Variants in BTBD10 observed in about 807,000 individuals in gnomAD.
BTBD10 encodes BTB domain containing 10, also known as BTB/POZ domain-containing protein 10.
Under a neutral mutation model 53.2 loss-of-function variants are expected in BTBD10, and 21 were observed. The observed-to-expected ratio is 0.39, with a 90% confidence interval of 0.28 to 0.57. The LOEUF is 0.57. Among genes scored for constraint, BTBD10 ranks in the 20% least tolerant of loss-of-function variants. The probability of loss-of-function intolerance (pLI) is 0.53; values close to 1 mark genes in which losing one functional copy is unlikely to be tolerated. For synonymous variants in BTBD10, 149 were observed against 192.7 expected, an observed-to-expected ratio of 0.77 and a Z score of 1.88; for missense variants, 360 against 594.7, an observed-to-expected ratio of 0.61 and a Z score of 4.10.
intron 2 of BTBD10, among the ~76,000 whole-genome samples, chr11:13,438,103 G>A (rs933340269): frequency 6.6e-6 from 1 of 151,892 alleles, no homozygotes; most frequent in African/African-American, 2.4e-5. Flanking sequence ...CCCTCTCATT[G>A]TCATGCATTA....
chr11:13,409,329 A>G (rs1949892925), intron 6 of BTBD10, among the ~76,000 whole-genome samples: 1 of 152,154 alleles, frequency 6.6e-6, no homozygotes, highest in Non-Finnish European at 1.5e-5. Flanking sequence ...AACATAGCAT[A>G]TATGATTTAT....
At chr11:13,396,489 G>C (rs1447484518) in intron 8 of BTBD10, among the ~76,000 whole-genome samples, 3 of 152,164 alleles carry the variant, frequency 2.0e-5, no homozygotes, top group African/African-American at 7.2e-5. Flanking sequence ...TCTGCAAACA[G>C]GGACAATTTG....
intron 4 of BTBD10, among the ~76,000 whole-genome samples, chr11:13,418,267 A>C (rs1950163898): frequency 6.6e-6 from 1 of 152,116 alleles, no homozygotes; most frequent in South Asian, 2.1e-4. Flanking sequence ...AATCGGCATA[A>C]AAAGAAGGCT....
chr11:13,459,811 C>A (rs1951054514), intron 1 of BTBD10: 1 of 152,132 alleles, frequency 6.6e-6, no homozygotes, highest in Admixed American at 6.5e-5. Flanking sequence ...AGGCACTGAA[C>A]AAAAGTATAC....
At chr11:13,418,000 T>TA (rs1467521895) in intron 4 of BTBD10, among the ~76,000 whole-genome samples, 1 of 152,126 alleles carries the variant, frequency 6.6e-6, no homozygotes, top group Non-Finnish European at 1.5e-5. Flanking sequence ...TCCTAAACAA[T>TA]AAAAAATGTA....
intron 2 of BTBD10, chr11:13,439,808 C>T: frequency 1.7e-6 from 2 of 1,203,064 alleles, no homozygotes; most frequent in Non-Finnish European, 1.1e-6. Context: ...ACACATATCC[C>T]TCTCAATCTT....
Position 13,398,817 on chromosome 11 carries a change from G to T in BTBD10, c.1117+4351C>A, listed in dbSNP as rs540301905. ...TCACTTATGAAGCTTAGTTTGGCTG[G>T]ATATGAAATTCTGGGTTGAAAATTC... On this transcript the variant is annotated intron_variant, in intron 8 of 8. Transcript: ENST00000278174. Among the ~76,000 whole-genome samples, 344 of 152,214 alleles carry T rather than the reference G, an allele frequency of 2.3e-3. 1 individual carries two copies. Among genetic ancestry groups the T allele is most frequent in the African/African-American group, 7.9e-3 (329 of 41,526 alleles).
rs186471048 is a variant in BTBD10, at chr11:13,440,238, G to T, written c.101+4786C>A. 1.8e-3 allele frequency: 2,358 copies of T among 1,291,348 alleles called. 16 individuals carry two copies. The highest frequency in any genetic ancestry group is 2.6e-3 in the Admixed American group (87 of 34,038). 80.0% of individuals were successfully genotyped at this position (1,291,348 alleles called of 1,614,324 possible). On this transcript the variant is annotated intron_variant, in intron 2 of 8. Coordinates refer to ENST00000278174, the MANE Select transcript of BTBD10 (RefSeq NM_032320.7). ...TTCTCACAGACACTGACTCAGCCGTGGGTTGTGCAGCACTGACGTTTCTAA... is the reference window on the plus strand; with the variant it reads ...TTCTCACAGACACTGACTCAGCCGTTGGTTGTGCAGCACTGACGTTTCTAA...
intron 2 of BTBD10, among the ~76,000 whole-genome samples, chr11:13,432,188 G>C (rs1300384744): frequency 1.3e-5 from 2 of 152,090 alleles, no homozygotes; most frequent in Non-Finnish European, 2.9e-5. Context: ...CAAATTAGGG[G>C]TTGCCAGAGG....
intron 2 of BTBD10, among the ~76,000 whole-genome samples, chr11:13,428,844 T>G (rs574386999): frequency 6.6e-6 from 1 of 152,154 alleles, no homozygotes; most frequent in Non-Finnish European, 1.5e-5. Flanking sequence ...CTGTCTTTAT[T>G]TGCAGAAAAC....
Position 13,405,786 on chromosome 11 carries a change from GATC to G in BTBD10, c.876_878del (p.Met292del). The G allele has an allele frequency of 1.9e-6, 3 of 1,613,690 alleles. No individual in the cohort carries two copies. The highest frequency in any genetic ancestry group is 2.5e-6 in the Non-Finnish European group (3 of 1,179,726). On this transcript the variant is annotated inframe_deletion, in exon 7 of 9. Transcript: ENST00000278174. ...GGGCACTAGCTACCATGAGAGGGAG[GATC>G]ATTTCTTCCAGATAAAATTCAAATT...
intron 1 of BTBD10, among the ~76,000 whole-genome samples, chr11:13,447,140 CTCTTTATCTCTCCTCTTCTTTT>C (rs1353995865): frequency 6.6e-6 from 1 of 151,846 alleles, no homozygotes; most frequent in Non-Finnish European, 1.5e-5. Context: ...TTTCTTCTTT[CTCTTTATCTCTCCTCTTCTTTT>C]TCTTTTTCTT....
chr11:13,459,065 T>A (rs1474125929), intron 1 of BTBD10, among the ~76,000 whole-genome samples: 4 of 149,316 alleles, frequency 2.7e-5, no homozygotes, highest in African/African-American at 9.8e-5. Context: ...TTTATTTTTT[T>A]TTTTTTTTTG....
At chr11:13,441,176 A>G (rs1950641176) in intron 2 of BTBD10, among the ~76,000 whole-genome samples, 1 of 152,182 alleles carries the variant, frequency 6.6e-6, no homozygotes, top group African/African-American at 2.4e-5. Flanking sequence ...ACCTGCTGAG[A>G]GATCATAGGC....
intron 2 of BTBD10, among the ~76,000 whole-genome samples, chr11:13,432,796 AC>A (rs1950475044): frequency 6.6e-6 from 1 of 152,104 alleles, no homozygotes; most frequent in African/African-American, 2.4e-5. Flanking sequence ...CCTTAAAAGA[AC>A]AAAAATGCAA....
At chr11:13,409,717 T>C (rs1423160373) in intron 6 of BTBD10, among the ~76,000 whole-genome samples, 3 of 152,198 alleles carry the variant, frequency 2.0e-5, no homozygotes, top group South Asian at 4.1e-4. Context: ...CACAGACCCT[T>C]TGTCATACAC....
At chr11:13,401,755 C>A (rs1013313509) in intron 8 of BTBD10, among the ~76,000 whole-genome samples, 2 of 152,132 alleles carry the variant, frequency 1.3e-5, no homozygotes, top group Non-Finnish European at 2.9e-5. Context: ...GAGGGACTTA[C>A]CTTAAGACAC....
chr11:13,461,891 T>C (rs570226180), intron 1 of BTBD10, among the ~76,000 whole-genome samples: 1 of 151,784 alleles, frequency 6.6e-6, no homozygotes, highest in Non-Finnish European at 1.5e-5. Flanking sequence ...GGAAAATTTA[T>C]AAAACACATT....
At chr11:13,404,353 A>G (rs1331101567) in intron 7 of BTBD10, among the ~76,000 whole-genome samples, 1 of 152,180 alleles carries the variant, frequency 6.6e-6, no homozygotes, top group African/African-American at 2.4e-5. Context: ...GCTTTAAGAT[A>G]AAAAACAAGA....
Sources: allele counts gnomAD v4.1 joint callset (sites outside exome capture counted in the v4.1 genomes callset), GRCh38; gene constraint gnomAD v4.1.1; transcripts MANE v1.5; gene names NCBI Gene and HGNC (gene_info 2026-07-23, HGNC 2026-07-21).